The following KIRREL3 variants were observed in gnomAD, a reference collection of about 807,000 sequenced individuals.
KIRREL3 encodes kirre like nephrin family adhesion molecule 3, also known as kin of IRRE-like protein 3.
KIRREL3 carries 36 observed loss-of-function variants against 89.7 expected under a neutral mutation model. The observed-to-expected ratio is 0.40, with a 90% CI of 0.31 to 0.53. KIRREL3 has a LOEUF of 0.53. Among genes scored for constraint, KIRREL3 ranks in the 20% least tolerant of loss-of-function variants. The probability of loss-of-function intolerance (pLI) is 0.49; values close to 1 mark genes in which losing one functional copy is unlikely to be tolerated. For synonymous variants in KIRREL3, 445 were observed against 441.4 expected (o/e 1.01, Z -0.10); for missense variants, 864 against 1,056.6 (o/e 0.82, Z 2.53).
rs996024598 is a variant in KIRREL3, at chr11:126,995,047, G to A, written c.55+5408C>T. On this transcript the variant is annotated intron_variant, in intron 1 of 16. Coordinates refer to ENST00000525144, the MANE Select transcript of KIRREL3 (RefSeq NM_032531.4). The surrounding 1 kb of genome is among the most constrained non-coding windows in gnomAD (Gnocchi z 6.5). The stretch of plus-strand genomic sequence containing the variant: ...CGATTCTCACATCATTCCTCTAACT[G>A]GAAATAAAAATCCCACTCTACTTGG... 1 of 374,836 alleles carries A rather than the reference G, an allele frequency of 2.7e-6. No individual in the cohort carries two copies. Among genetic ancestry groups the A allele is most frequent in the Non-Finnish European group, 5.3e-6 (1 of 188,870 alleles). The allele number at this position is 374,836 out of a possible 1,614,324, so 23.2% of individuals were successfully genotyped here. A position where few individuals can be genotyped will look rare whatever the true frequency, so the allele number is the denominator to read the frequency against.
At chr11:126,538,566 C>T (rs1283000808) in intron 2 of KIRREL3, among the ~76,000 whole-genome samples, 1 of 152,108 alleles carries the variant, frequency 6.6e-6, no homozygotes, top group Non-Finnish European at 1.5e-5. Flanking sequence ...ACAGGAGGAT[C>T]AGCTTTGAGA....
chr11:126,481,315 G>C (rs1957212006), intron 4 of KIRREL3, among the ~76,000 whole-genome samples: 1 of 152,092 alleles, frequency 6.6e-6, no homozygotes, highest in African/African-American at 2.4e-5. Flanking sequence ...TCCCTAGTTA[G>C]CTCTTGCTGG....
intron 16 of KIRREL3, among the ~76,000 whole-genome samples, chr11:126,425,337 C>T (rs1435724843): frequency 2.0e-5 from 3 of 152,156 alleles, no homozygotes; most frequent in Non-Finnish European, 4.4e-5. Flanking sequence ...AATGCAGGGT[C>T]ATTTGAAAGT....
intron 1 of KIRREL3, among the ~76,000 whole-genome samples, chr11:126,964,701 C>T (rs1949210958): frequency 6.6e-6 from 1 of 152,108 alleles, no homozygotes; most frequent in Admixed American, 6.6e-5. Context: ...GAAGGCAGCA[C>T]AGATGAAGAA....
At chr11:126,813,382 G>A (rs923982860) in intron 1 of KIRREL3, among the ~76,000 whole-genome samples, 7 of 152,140 alleles carry the variant, frequency 4.6e-5, no homozygotes, top group South Asian at 2.1e-4. Flanking sequence ...TTGGATCCTC[G>A]TAGTTTGCTG....
In KIRREL3 at chr11:126,431,813, G is replaced by T. The variant is rs564896013; in HGVS notation, c.1589-287C>A. ...AGCGAGGCAGGCAGACACGGAGAAG[G>T]GAGGGCCAGGGGACAGGAAGACCGG... On this transcript the variant is annotated intron_variant, in intron 13 of 16. Transcript: ENST00000525144. This position sits in a 1 kb window ranked among gnomAD's most constrained non-coding sequence, Gnocchi z 7.1. 5.9e-5 allele frequency among the ~76,000 whole-genome samples: 9 copies of T among 152,254 alleles called. No homozygotes were observed. The highest frequency in any genetic ancestry group is 5.2e-4 in the Admixed American group (8 of 15,300).
In KIRREL3 at chr11:126,562,840, T is replaced by C; in HGVS notation, c.128A>G (p.Asn43Ser). Residue 43 changes from asparagine (N) to serine (S), a missense_variant, in exon 2 of 17, where the codon AAT becomes AGT. Asn to Ser is a conservative substitution (Grantham distance 46). Transcript: ENST00000525144. The surrounding 1 kb of genome is among the most constrained non-coding windows in gnomAD (Gnocchi z 4.7). Reference sequence around the variant, plus strand: ...ATGGGGAGGTTCTCACTGACCTTCATTCATTCTCCGAAACTTGTCCTTGGC... The same window carrying C: ...ATGGGGAGGTTCTCACTGACCTTCACTCATTCTCCGAAACTTGTCCTTGGC... ...YMAKDKFRRM[N>S]EGQVYSFSQQ... 1.9e-6 allele frequency: 3 copies of C among 1,613,710 alleles called. No homozygotes were observed. The highest frequency in any genetic ancestry group is 2.5e-6 in the Non-Finnish European group (3 of 1,179,668).
chr11:126,640,922 C>T lies in KIRREL3; in HGVS notation c.56-78010G>A, dbSNP rs1016043382. 3.3e-5 allele frequency among the ~76,000 whole-genome samples: 5 copies of T among 152,154 alleles called. No homozygotes were observed. The highest frequency in any genetic ancestry group is 1.2e-4 in the African/African-American group (5 of 41,424). On this transcript the variant is annotated intron_variant, in intron 1 of 16. Coordinates refer to ENST00000525144, the MANE Select transcript of KIRREL3 (RefSeq NM_032531.4). The surrounding 1 kb of genome is among the most constrained non-coding windows in gnomAD (Gnocchi z 4.9). ...ACACCGACTCTACTCTGATGTCTCT[C>T]AATTTTGTATCCACAGCCTAGACCA...
At chr11:126,448,348 AG>A (rs1955905335) in intron 8 of KIRREL3, among the ~76,000 whole-genome samples, 2 of 151,962 alleles carry the variant, frequency 1.3e-5, no homozygotes, top group South Asian at 4.2e-4. Flanking sequence ...CCTCAGTGGA[AG>A]GCAGCAGAAT....
intron 1 of KIRREL3, among the ~76,000 whole-genome samples, chr11:126,798,746 A>G (rs908312245): frequency 6.6e-6 from 1 of 152,206 alleles, no homozygotes; most frequent in Non-Finnish European, 1.5e-5. Flanking sequence ...GGATATCCTT[A>G]GAGAAACCAT....
intron 1 of KIRREL3, among the ~76,000 whole-genome samples, chr11:126,864,295 A>G (rs997667125): frequency 3.2e-4 from 49 of 152,184 alleles, no homozygotes; most frequent in African/African-American, 1.2e-3. Context: ...TGTCTCTTAC[A>G]TGAGGGGACA....
At position 126,734,325 on chromosome 11, in the gene KIRREL3, T is replaced by C. The variant is rs1180057316; in HGVS notation, c.56-171413A>G. On this transcript the variant is annotated intron_variant, in intron 1 of 16. Coordinates refer to ENST00000525144, the MANE Select transcript of KIRREL3 (RefSeq NM_032531.4). This position sits in a 1 kb window ranked among gnomAD's most constrained non-coding sequence, Gnocchi z 5.9. Reference sequence around the variant, plus strand: ...TTTAAATACTGTGTTCATGATCTGCTTCAAGATTTCCCCCTCTGTTTTTTC... The same window carrying C: ...TTTAAATACTGTGTTCATGATCTGCCTCAAGATTTCCCCCTCTGTTTTTTC... Among the ~76,000 whole-genome samples, 1 of 152,210 alleles carries C rather than the reference T, an allele frequency of 6.6e-6. No individual in the cohort carries two copies. Among genetic ancestry groups the C allele is most frequent in the Non-Finnish European group, 1.5e-5 (1 of 68,032 alleles).
At position 126,715,205 on chromosome 11, in the gene KIRREL3, A is replaced by G. The variant is rs192226433; in HGVS notation, c.56-152293T>C. Among the ~76,000 whole-genome samples, 19 of 152,330 alleles carry G rather than the reference A, an allele frequency of 1.2e-4. No individual in the cohort carries two copies. Among genetic ancestry groups the G allele is most frequent in the Admixed American group, 1.2e-3 (18 of 15,310 alleles). ...TTTCAAGGGAACTGTGTAGAGGAAG[A>G]AATCAGTTGAGAAAAACAGTCTTGA... On this transcript the variant is annotated intron_variant, in intron 1 of 16. Coordinates refer to ENST00000525144, the MANE Select transcript of KIRREL3 (RefSeq NM_032531.4). The surrounding 1 kb of genome is among the most constrained non-coding windows in gnomAD (Gnocchi z 4.4).
chr11:126,424,615 G>A lies in KIRREL3; in HGVS notation c.2302C>T (p.Arg768Ter), dbSNP rs368469108. ...GTCTGCATCCGCCGCTGCAGGGGTCGACTGGGGTCAGAGTTCTGGGACGAG... is the reference window on the plus strand; with the variant it reads ...GTCTGCATCCGCCGCTGCAGGGGTCAACTGGGGTCAGAGTTCTGGGACGAG... ...QSSSQNSDPS[R>*]PLQRRMQTHV The change falls in exon 17 of 17, where the codon CGA (arginine) becomes TGA (stop). Residue 768 changes from arginine (R) to a stop codon, truncating the protein, a stop_gained. Transcript: ENST00000525144. LOFTEE classifies it high-confidence loss of function. 10 of 1,613,922 alleles carry A rather than the reference G, an allele frequency of 6.2e-6. No homozygotes were observed. Among genetic ancestry groups the A allele is most frequent in the Admixed American group, 1.7e-5 (1 of 60,010 alleles).
chr11:126,438,209 T>G (rs1186511714), intron 11 of KIRREL3, among the ~76,000 whole-genome samples: 2 of 152,210 alleles, frequency 1.3e-5, no homozygotes, highest in Admixed American at 6.5e-5. Context: ...TCTACCTGTG[T>G]GATGTTGTAT....
At chr11:126,625,901 C>T (rs1335809255) in intron 1 of KIRREL3, among the ~76,000 whole-genome samples, 3 of 152,238 alleles carry the variant, frequency 2.0e-5, no homozygotes, top group Admixed American at 2.0e-4. Flanking sequence ...TGTATAATGA[C>T]AGCCTTCCTA....
rs969947432 is a variant in KIRREL3, at chr11:126,965,823, G to C, written c.55+34632C>G. The stretch of plus-strand genomic sequence containing the variant: ...TCCAGAGTGCCAGCGATGATAGCCA[G>C]ACAGGTGACAGAACTCGATGTGTGT... On this transcript the variant is annotated intron_variant, in intron 1 of 16. Coordinates refer to ENST00000525144, the MANE Select transcript of KIRREL3 (RefSeq NM_032531.4). The surrounding 1 kb of genome is among the most constrained non-coding windows in gnomAD (Gnocchi z 4.4). Among the ~76,000 whole-genome samples the C allele has an allele frequency of 1.3e-5, 2 of 152,216 alleles. No individual in the cohort carries two copies. The highest frequency in any genetic ancestry group is 4.8e-5 in the African/African-American group (2 of 41,462).
chr11:126,546,905 A>G (rs940335038), intron 2 of KIRREL3, among the ~76,000 whole-genome samples: 2 of 152,248 alleles, frequency 1.3e-5, no homozygotes, highest in African/African-American at 4.8e-5. Context: ...ATAGAGGTCA[A>G]GAGAGATCAA....
intron 1 of KIRREL3, among the ~76,000 whole-genome samples, chr11:126,634,483 T>A (rs953011660): frequency 3.3e-5 from 5 of 152,176 alleles, no homozygotes; most frequent in African/African-American, 7.2e-5. Context: ...CTGGACCTGA[T>A]CAAGGTGTAG....
Sources: gnomAD v4.1 joint callset for allele counts (sites outside exome capture counted in the v4.1 genomes callset) on GRCh38, gnomAD v4.1.1 for gene constraint, Gnocchi (gnomAD v3.1) non-coding constraint, MANE v1.5 for transcripts, NCBI Gene and HGNC (gene_info 2026-07-23, HGNC 2026-07-21) for gene names.